CXCL13: variants seen among roughly 807,000 people sequenced by gnomAD.
CXCL13 encodes the protein C-X-C motif chemokine ligand 13.
Under a neutral mutation model 12.2 loss-of-function variants are expected in CXCL13, and 7 were observed. The ratio of observed to expected loss-of-function variants is 0.57; its 90% CI spans 0.33 to 1.07. The LOEUF (loss-of-function observed/expected upper bound fraction) is 1.07. Ranked by LOEUF, CXCL13 falls within the 50% of genes least tolerant of loss-of-function variation. CXCL13 has a pLI of 0.04. For synonymous variants in CXCL13, 47 were observed against 42.4 expected, an observed-to-expected ratio of 1.11 and a Z score of -0.42; for missense variants, 113 against 127.4, an observed-to-expected ratio of 0.89 and a Z score of 0.55.
intron 1 of CXCL13, among the ~76,000 whole-genome samples, chr4:77,590,818 G>A (rs531912321): frequency 6.6e-6 from 1 of 152,326 alleles, no homozygotes; most frequent in East Asian, 1.9e-4. Flanking sequence ...GAATGGGCAT[G>A]TTAAATGCTA....
upstream of CXCL13, among the ~76,000 whole-genome samples, chr4:77,603,058 CT>C (rs1726913773): frequency 6.6e-6 from 1 of 152,108 alleles, no homozygotes; most frequent in Non-Finnish European, 1.5e-5. Context: ...CCTGGTGGTC[CT>C]ATTTTTAATA....
At chr4:77,600,837 C>T (rs1726866278), upstream of CXCL13, among the ~76,000 whole-genome samples, 1 of 152,160 alleles carries the variant, frequency 6.6e-6, no homozygotes, top group Non-Finnish European at 1.5e-5. Flanking sequence ...ATTTGTTGGA[C>T]TATTTCAGAT....
chr4:77,515,053 T>G (rs1305327605), intron 1 of CXCL13, among the ~76,000 whole-genome samples: 1 of 152,182 alleles, frequency 6.6e-6, no homozygotes, highest in Non-Finnish European at 1.5e-5. Flanking sequence ...GCACCATTTA[T>G]TAAATAGGGA....
In CXCL13 at chr4:77,539,758, G is replaced by A. The variant is rs112237396; in HGVS notation, c.-43+27970G>A. On this transcript the variant is annotated intron_variant, in intron 1 of 4. Coordinates refer to the CXCL13 transcript ENST00000286758. ...TGTTTATATTTATTAGGGGATTGCC[G>A]TTCCCTGGTGCCAGCTGCAACCAAT... Among the ~76,000 whole-genome samples the A allele has an allele frequency of 3.8e-3, 573 of 152,244 alleles. 9 individuals are homozygous for A. Among genetic ancestry groups the A allele is most frequent in the African/African-American group, 0.013 (528 of 41,548 alleles).
intron 1 of CXCL13, among the ~76,000 whole-genome samples, chr4:77,546,694 C>CT (rs1211312999): frequency 6.6e-6 from 1 of 152,154 alleles, no homozygotes; most frequent in African/African-American, 2.4e-5. Context: ...AAACCAGCTC[C>CT]TGGATTCATT....
At chr4:77,545,203 T>G (rs896990451) in intron 1 of CXCL13, among the ~76,000 whole-genome samples, 2 of 152,216 alleles carry the variant, frequency 1.3e-5, no homozygotes, top group African/African-American at 4.8e-5. Context: ...TTTGTTCTTT[T>G]GGCTTAGGAC....
At position 77,579,687 on chromosome 4, in the gene CXCL13, C is replaced by T. The variant is rs1190920071; in HGVS notation, c.-42-26137C>T. 2.6e-5 allele frequency among the ~76,000 whole-genome samples: 4 copies of T among 151,934 alleles called. No homozygotes were observed. The East Asian group carries it at 5.8e-4, about 22-fold the overall frequency. On this transcript the variant is annotated intron_variant, in intron 1 of 4. Coordinates refer to the CXCL13 transcript ENST00000286758. ...TTTTTTAATTCTGATGAGTGCCAAGCCCTAGAAATTAGACCTGCTACCCCT... is the reference window on the plus strand; with the variant it reads ...TTTTTTAATTCTGATGAGTGCCAAGTCCTAGAAATTAGACCTGCTACCCCT...
chr4:77,546,328 A>C (rs1392195685), intron 1 of CXCL13, among the ~76,000 whole-genome samples: 2 of 152,212 alleles, frequency 1.3e-5, no homozygotes, highest in African/African-American at 2.4e-5. Context: ...TAATGGTACC[A>C]GCTCTTCTTT....
chr4:77,543,413 T>C (rs1560520721), intron 1 of CXCL13, among the ~76,000 whole-genome samples: 1 of 152,114 alleles, frequency 6.6e-6, no homozygotes. Flanking sequence ...GGTTAGCTCA[T>C]TCTTGTTTTT....
intron 1 of CXCL13, among the ~76,000 whole-genome samples, chr4:77,565,306 AGG>A: frequency 6.6e-6 from 1 of 152,344 alleles, no homozygotes; most frequent in East Asian, 1.9e-4. Flanking sequence ...GGCAGATCAC[AGG>A]GCTCTTGCAC....
intron 1 of CXCL13, among the ~76,000 whole-genome samples, chr4:77,537,443 A>G (rs1280921506): frequency 1.3e-5 from 2 of 152,220 alleles, no homozygotes; most frequent in African/African-American, 4.8e-5. Context: ...TAAAGAAGCC[A>G]GAGAGAACAA....
At chr4:77,610,534 T>C in intron 2 of CXCL13, 80 bp from the exon 3 acceptor site, 1 of 1,147,152 alleles carries the variant, frequency 8.7e-7, no homozygotes. Context: ...ATTATTTTCA[T>C]ACCAAACTCT....
chr4:77,554,395 T>C (rs1402687253), intron 1 of CXCL13, among the ~76,000 whole-genome samples: 1 of 152,208 alleles, frequency 6.6e-6, no homozygotes, highest in Admixed American at 6.5e-5. Context: ...TAACAGAGTA[T>C]TTAATCAAGA....
At chr4:77,532,431 G>T (rs1724950878) in intron 1 of CXCL13, among the ~76,000 whole-genome samples, 1 of 152,142 alleles carries the variant, frequency 6.6e-6, no homozygotes, top group Admixed American at 6.5e-5. Context: ...AGTCTGATGG[G>T]CTTCCCTTTG....
intron 1 of CXCL13, among the ~76,000 whole-genome samples, chr4:77,540,012 A>G (rs1725161890): frequency 2.0e-5 from 3 of 152,214 alleles, no homozygotes; most frequent in Admixed American, 2.0e-4. Flanking sequence ...AGATGCTGAC[A>G]GTTGTATCAA....
At chr4:77,515,350 A>T (rs1037607239) in intron 1 of CXCL13, among the ~76,000 whole-genome samples, 2 of 152,048 alleles carry the variant, frequency 1.3e-5, no homozygotes, top group Non-Finnish European at 2.9e-5. Context: ...GAAGAAAGTC[A>T]TTGGTAGCTT....
At chr4:77,555,730 A>G (rs544418438) in intron 1 of CXCL13, among the ~76,000 whole-genome samples, 1 of 152,238 alleles carries the variant, frequency 6.6e-6, no homozygotes, top group African/African-American at 2.4e-5. Context: ...TGTTACTTTT[A>G]TCTGATGAAA....
intron 1 of CXCL13, among the ~76,000 whole-genome samples, chr4:77,583,651 A>T (rs985504948): frequency 6.6e-6 from 1 of 152,102 alleles, no homozygotes; most frequent in Non-Finnish European, 1.5e-5. Context: ...AAGAATACAA[A>T]TGGCTATGGG....
At chr4:77,549,998 C>T (rs1298679311) in intron 1 of CXCL13, among the ~76,000 whole-genome samples, 2 of 152,222 alleles carry the variant, frequency 1.3e-5, no homozygotes, top group African/African-American at 2.4e-5. Flanking sequence ...GGGCTCCACC[C>T]AGTTCAAGCT....
Sources: gnomAD v4.1 joint callset for allele counts (sites outside exome capture counted in the v4.1 genomes callset) on GRCh38, gnomAD v4.1.1 for gene constraint, MANE v1.5 for transcripts, NCBI Gene and HGNC (gene_info 2026-07-23, HGNC 2026-07-21) for gene names.